The following TTBK2 variants were observed in gnomAD, a reference collection of about 807,000 sequenced individuals.
TTBK2 encodes tau-tubulin kinase 2.
In TTBK2, 28 loss-of-function variants were observed where a neutral mutation model predicts 110.8. The ratio of observed to expected loss-of-function variants is 0.25; its 90% CI spans 0.19 to 0.35. The LOEUF (loss-of-function observed/expected upper bound fraction) is 0.35, where lower values mean the gene tolerates loss of function less well. Among genes scored for constraint, TTBK2 ranks in the 10% least tolerant of loss-of-function variants. The pLI, the probability that TTBK2 is intolerant of heterozygous loss-of-function variation, is 1.00. For synonymous variants in TTBK2, 532 were observed against 527.3 expected (o/e 1.01, Z -0.12); for missense variants, 1,369 against 1,500.3 (o/e 0.91, Z 1.45).
rs1890859866 is a variant in TTBK2 at position 42,794,773 on chromosome 15, A to T, written c.851T>A (p.Ile284Asn). 1 of 1,614,068 alleles carries T rather than the reference A, an allele frequency of 6.2e-7. No individual in the cohort carries two copies. The highest frequency in any genetic ancestry group is 1.3e-5 in the African/African-American group (1 of 74,910). Residue 284 changes from isoleucine (I) to asparagine (N), a missense_variant, in exon 10 of 15, where the codon ATC (isoleucine) becomes AAC (asparagine). Physicochemically the swap from Ile to Asn is moderately radical, Grantham distance 149. Around this residue, in one of 4 missense-constraint regions of TTBK2, gnomAD observed 138 missense variants for 179.0 expected, o/e 0.77. Transcript: ENST00000267890. ...QLLTSVFDNSIKTFGVIESDP... is the reference protein window; with the variant it reads ...QLLTSVFDNSNKTFGVIESDP... ...ACTCTCAATTACTCCAAAAGTCTTGATGCTATTGTCAAACACGGATGTAAG... is the reference window on the plus strand; with the variant it reads ...ACTCTCAATTACTCCAAAAGTCTTGTTGCTATTGTCAAACACGGATGTAAG...
Position 42,741,880 on chromosome 15 carries a change from T to TG in TTBK2, c.*3914dup, listed in dbSNP as rs1316038791. On this transcript the variant is annotated 3_prime_UTR_variant, in exon 15 of 15. Transcript: ENST00000267890. ...TTAGGAATGTAGAACTGTCTGCTCT[T>TG]GGGGAAAAAAAAAGCATCTGTTTTT... The TG allele has an allele frequency of 2.6e-5, 4 of 151,960 alleles. No homozygotes were observed. The highest frequency in any genetic ancestry group is 4.8e-5 in the African/African-American group (2 of 41,410). The allele number at this position is 151,960 out of a possible 1,614,324, so 9.4% of individuals were successfully genotyped here. A position where few individuals can be genotyped will look rare whatever the true frequency, so the allele number is the denominator to read the frequency against.
At chr15:42,782,084 T>TA in intron 11 of TTBK2, among the ~76,000 whole-genome samples, 1 of 152,168 alleles carries the variant, frequency 6.6e-6, no homozygotes, top group East Asian at 1.9e-4. Flanking sequence ...TGTATATATA[T>TA]TTTTTGAGGT....
chr15:42,786,672 T>G (rs536816109), intron 10 of TTBK2, among the ~76,000 whole-genome samples: 1 of 152,302 alleles, frequency 6.6e-6, no homozygotes, highest in East Asian at 1.9e-4. Context: ...TTATCTCTTA[T>G]GCTTCAATAT....
At chr15:42,816,085 AATATATATATATATATATATATATAT>A (rs71431870) in intron 7 of TTBK2, among the ~76,000 whole-genome samples, 1 of 67,470 alleles carries the variant, frequency 1.5e-5, no homozygotes, top group East Asian at 5.6e-4. Context: ...TAAATAAATA[AATATATATATATATATATATATATAT>A]ATATATATGT....
intron 9 of TTBK2, among the ~76,000 whole-genome samples, chr15:42,809,532 A>G (rs1267331946): frequency 6.6e-6 from 1 of 152,230 alleles, no homozygotes; most frequent in African/African-American, 2.4e-5. Context: ...CTCCTCTTGA[A>G]TCTAGTCTTA....
At chr15:42,789,455 C>T (rs775795081) in intron 10 of TTBK2, among the ~76,000 whole-genome samples, 11 of 152,186 alleles carry the variant, frequency 7.2e-5, no homozygotes, top group South Asian at 6.2e-4. Context: ...TGAATAAGGT[C>T]GGGTGTAGCG....
intron 9 of TTBK2, among the ~76,000 whole-genome samples, chr15:42,796,238 T>C (rs1890934993): frequency 6.6e-6 from 1 of 152,120 alleles, no homozygotes; most frequent in African/African-American, 2.4e-5. Flanking sequence ...ACTCTATCTC[T>C]ACTAAAAATA....
chr15:42,919,864 G>A (rs927992414), intron 1 of TTBK2: 30 of 978,532 alleles, frequency 3.1e-5, no homozygotes, highest in Non-Finnish European at 3.6e-5. Flanking sequence ...ACATATACGT[G>A]AGTCTTTTGT....
chr15:42,792,231 A>G (rs1890720170), intron 10 of TTBK2, among the ~76,000 whole-genome samples: 1 of 152,234 alleles, frequency 6.6e-6, no homozygotes, highest in Non-Finnish European at 1.5e-5. Flanking sequence ...TGTTTGAGGT[A>G]ATGGATATCC....
At chr15:42,815,901 T>A (rs1349050740) in intron 7 of TTBK2, among the ~76,000 whole-genome samples, 67 of 114,738 alleles carry the variant, frequency 5.8e-4, no homozygotes, top group African/African-American at 2.2e-3. Context: ...AAAATATATA[T>A]ATATATTTAA....
At chr15:42,884,703 G>A (rs1290893597) in intron 1 of TTBK2, among the ~76,000 whole-genome samples, 1 of 152,136 alleles carries the variant, frequency 6.6e-6, no homozygotes, top group Non-Finnish European at 1.5e-5. Context: ...AATCAATCAG[G>A]CCTTAATGAA....
rs2061760211 is a variant in TTBK2 at position 42,743,059 on chromosome 15, A to G, written c.*2736T>C. The G allele has an allele frequency of 6.6e-6, 1 of 152,192 alleles. No individual in the cohort carries two copies. Among genetic ancestry groups the G allele is most frequent in the Admixed American group, 6.5e-5 (1 of 15,282 alleles). The allele number at this position is 152,192 out of a possible 1,614,324, so 9.4% of individuals were successfully genotyped here. A position where few individuals can be genotyped will look rare whatever the true frequency, so the allele number is the denominator to read the frequency against. On this transcript the variant is annotated 3_prime_UTR_variant, in exon 15 of 15. Coordinates refer to ENST00000267890, the MANE Select transcript of TTBK2 (RefSeq NM_173500.4). ...CTATGCTTGTAAAAACCAAAAAGTA[A>G]ATCTCTACATAGGACAATACTTATA... is the stretch of plus-strand genomic sequence containing the variant.
At chr15:42,832,790 C>A (rs1306266411) in intron 4 of TTBK2, among the ~76,000 whole-genome samples, 2 of 152,122 alleles carry the variant, frequency 1.3e-5, no homozygotes, top group Admixed American at 1.3e-4. Context: ...TTGTTACCTG[C>A]CCATTAATCA....
chr15:42,747,346 C>A (rs2061806929), intron 14 of TTBK2, among the ~76,000 whole-genome samples: 1 of 152,082 alleles, frequency 6.6e-6, no homozygotes, highest in Admixed American at 6.6e-5. Context: ...CTGGTTTGGC[C>A]TAAGAATCAA....
chr15:42,793,837 T>A (rs1292507413), intron 10 of TTBK2, among the ~76,000 whole-genome samples: 1 of 151,224 alleles, frequency 6.6e-6, no homozygotes, highest in East Asian at 1.9e-4. Context: ...AACTCCATGT[T>A]TAAAAAAAAA....
Position 42,816,116 on chromosome 15 carries a change from A to G in TTBK2, c.603+916T>C, listed in dbSNP as rs1272443073. The stretch of plus-strand genomic sequence containing the variant: ...TATATATATATATATATATATATAT[A>G]TATGTGTATATTTTTTTTGAGACAG... On this transcript the variant is annotated intron_variant, in intron 7 of 14. Coordinates refer to ENST00000267890, the MANE Select transcript of TTBK2 (RefSeq NM_173500.4). Among the ~76,000 whole-genome samples, 28 of 121,044 alleles carry G rather than the reference A, an allele frequency of 2.3e-4. 1 individual carries two copies. Among genetic ancestry groups the G allele is most frequent in the African/African-American group, 5.9e-4 (17 of 28,714 alleles). The allele number at this position is 121,044 out of a possible 152,430, so 79.4% of individuals were successfully genotyped here. A position where few individuals can be genotyped will look rare whatever the true frequency, so the allele number is the denominator to read the frequency against.
chr15:42,819,094 G>GT (rs149916606), intron 6 of TTBK2, among the ~76,000 whole-genome samples: 67 of 147,310 alleles, frequency 4.5e-4, no homozygotes, highest in South Asian at 8.6e-4. Flanking sequence ...TAATTTTTGG[G>GT]TTTTTTTTTT....
intron 14 of TTBK2, among the ~76,000 whole-genome samples, chr15:42,748,064 C>A (rs1270205958): frequency 6.6e-6 from 1 of 152,128 alleles, no homozygotes; most frequent in Non-Finnish European, 1.5e-5. Context: ...GTTCCATGAA[C>A]ACTAAACTTT....
intron 4 of TTBK2, among the ~76,000 whole-genome samples, chr15:42,838,354 GT>G (rs1665481132): frequency 1.5e-5 from 2 of 130,894 alleles, no homozygotes; most frequent in Non-Finnish European, 1.6e-5. Context: ...ATAATTCAGG[GT>G]GTGTGTGTGT....
Sources: gnomAD v4.1 joint callset for allele counts (sites outside exome capture counted in the v4.1 genomes callset) on GRCh38, gnomAD v4.1.1 for gene constraint, gnomAD v4.1.1 regional missense constraint, MANE v1.5 for transcripts, NCBI Gene and HGNC (gene_info 2026-07-23, HGNC 2026-07-21) for gene names.